The following EPB41L3 variants were observed in gnomAD, a reference collection of about 807,000 sequenced individuals.
The protein encoded by EPB41L3 is band 4.1-like protein 3.
EPB41L3 carries 57 observed loss-of-function variants against 127.1 expected under a neutral mutation model. The observed-to-expected ratio is 0.45, with a 90% CI of 0.36 to 0.56. The LOEUF (loss-of-function observed/expected upper bound fraction) is 0.56, where lower values mean the gene tolerates loss of function less well. EPB41L3 is among the 20% of genes least tolerant of loss of function. EPB41L3 has a pLI of 0.00. For synonymous variants in EPB41L3, 572 were observed against 549.5 expected, an observed-to-expected ratio of 1.04 and a Z score of -0.57; for missense variants, 1,273 against 1,372.2, an observed-to-expected ratio of 0.93 and a Z score of 1.14.
intron 3 of EPB41L3, among the ~76,000 whole-genome samples, chr18:5,589,078 G>A (rs930491202): frequency 2.6e-5 from 4 of 152,140 alleles, no homozygotes; most frequent in African/African-American, 9.7e-5. Context: ...AATTAAATGA[G>A]TAGGCACATG....
chr18:5,525,787 A>G (rs2093200161), intron 1 of EPB41L3, among the ~76,000 whole-genome samples: 1 of 152,228 alleles, frequency 6.6e-6, no homozygotes, highest in South Asian at 2.1e-4. Flanking sequence ...TTGTTAGTGA[A>G]TATCTAAATT....
At chr18:5,462,710 G>A (rs1599274020) in intron 3 of EPB41L3, among the ~76,000 whole-genome samples, 2 of 152,104 alleles carry the variant, frequency 1.3e-5, no homozygotes, top group Admixed American at 6.5e-5. Flanking sequence ...TGTTATTAAG[G>A]CTCTTTTCTT....
intron 1 of EPB41L3, among the ~76,000 whole-genome samples, chr18:5,620,454 T>C (rs1437991858): frequency 6.6e-6 from 1 of 152,316 alleles, no homozygotes; most frequent in East Asian, 1.9e-4. Flanking sequence ...AGTGAAAATA[T>C]TTGGCAACTG....
chr18:5,451,478 T>G (rs2082269965), intron 3 of EPB41L3, among the ~76,000 whole-genome samples: 1 of 152,202 alleles, frequency 6.6e-6, no homozygotes, highest in Non-Finnish European at 1.5e-5. Flanking sequence ...CTCTCTCCTT[T>G]GGACTTTGTG....
intron 6 of EPB41L3, 68 bp from the exon 7 acceptor site, chr18:5,434,189 T>C (rs1404174504): frequency 6.7e-5 from 90 of 1,336,926 alleles, no homozygotes; most frequent in Non-Finnish European, 8.8e-5. Flanking sequence ...GGTCGCTTGG[T>C]AAAAATCGTG....
chr18:5,419,818 T>G lies in EPB41L3; in HGVS notation c.1399A>C (p.Thr467Pro), dbSNP rs762690750. The G allele has an allele frequency of 6.4e-5, 104 of 1,614,084 alleles. No individual in the cohort carries two copies. The highest frequency in any genetic ancestry group is 8.1e-5 in the Non-Finnish European group (95 of 1,180,048). The change falls in exon 12 of 23, where the codon ACT (threonine) becomes CCT (proline). Residue 467 changes from threonine (T) to proline (P), a missense_variant. By Grantham distance (38) the Thr-to-Pro change is conservative (BLOSUM62 -1). Around this residue, in one of 3 missense-constraint regions of EPB41L3, gnomAD observed 765 missense variants for 782.9 expected, o/e 0.98. Transcript: ENST00000341928. The stretch of plus-strand genomic sequence containing the variant: ...TCAGCCTTCTTCTCCGGAGTCACAG[T>G]GGTGATCAAGTTGGTCTGAGAGATG... ...KGISQTNLIT[T>P]VTPEKKAEEE...
intron 1 of EPB41L3, among the ~76,000 whole-genome samples, chr18:5,510,436 T>TA (rs1040670223): frequency 2.0e-4 from 30 of 152,242 alleles, no homozygotes; most frequent in African/African-American, 4.3e-4. Flanking sequence ...TCAGCTGAGA[T>TA]AAAAAAACAA....
chr18:5,415,968 G>C lies in EPB41L3; in HGVS notation c.1917C>G (p.Ile639Met), dbSNP rs1207148217. 5.0e-6 allele frequency: 8 copies of C among 1,614,184 alleles called. No individual in the cohort carries two copies. The highest frequency in any genetic ancestry group is 6.8e-6 in the Non-Finnish European group (8 of 1,180,042). The change falls in exon 13 of 23, where the codon ATC becomes ATG. Residue 639 changes from isoleucine to methionine, a missense_variant. Ile to Met is a conservative substitution (Grantham distance 10). Around this residue, in one of 3 missense-constraint regions of EPB41L3, gnomAD observed 765 missense variants for 782.9 expected, o/e 0.98. Transcript: ENST00000341928. ...AGGAGGCAGACAGCAGAAAGAAAAAGATGAAGAGGAAACAGGGCACAAGGG... is the reference window on the plus strand; with the variant it reads ...AGGAGGCAGACAGCAGAAAGAAAAACATGAAGAGGAAACAGGGCACAAGGG... Reference protein sequence around the residue: ...SPSLVPCFLFIFFFLLSASFS... With the variant: ...SPSLVPCFLFMFFFLLSASFS...
intron 3 of EPB41L3, among the ~76,000 whole-genome samples, chr18:5,557,027 T>G (rs940148281): frequency 2.4e-4 from 36 of 152,242 alleles, no homozygotes; most frequent in African/African-American, 8.2e-4. Flanking sequence ...GACACATAGC[T>G]GCAAAAGCTG....
At chr18:5,538,995 A>AT (rs757227800) in intron 1 of EPB41L3, among the ~76,000 whole-genome samples, 6,623 of 115,018 alleles carry the variant, frequency 0.058, 178 homozygotes, top group Admixed American at 0.08. Context: ...TTTCTCCAAG[A>AT]TTTTTTTTTT....
intron 2 of EPB41L3, 200 bp downstream of exon 2, chr18:5,488,801 A>C: frequency 1.9e-6 from 1 of 522,538 alleles, no homozygotes; most frequent in East Asian, 3.6e-5. Context: ...TTTAATTAAA[A>C]GAAGGAGTTA....
chr18:5,484,085 TCA>T (rs2089155622), intron 2 of EPB41L3, among the ~76,000 whole-genome samples: 1 of 3,866 alleles, frequency 2.6e-4, no homozygotes, highest in Non-Finnish European at 5.2e-4. Flanking sequence ...CCAAACAAAC[TCA>T]AAAAAAAAAA....
chr18:5,429,928 C>T (rs961046202), intron 8 of EPB41L3, among the ~76,000 whole-genome samples: 4 of 152,316 alleles, frequency 2.6e-5, no homozygotes, highest in African/African-American at 9.6e-5. Context: ...GACCACCTTA[C>T]GCCATCGGCA....
chr18:5,577,889 T>C (rs774736537), intron 3 of EPB41L3, among the ~76,000 whole-genome samples: 1 of 152,236 alleles, frequency 6.6e-6, no homozygotes, highest in South Asian at 2.1e-4. Context: ...ATTTTTGCTT[T>C]TAATTTTGCC....
intron 3 of EPB41L3, among the ~76,000 whole-genome samples, chr18:5,610,674 A>C (rs1329207225): frequency 1.3e-5 from 2 of 149,340 alleles, no homozygotes; most frequent in Non-Finnish European, 3.0e-5. Context: ...CAAGCATTTG[A>C]CTAAAACAAT....
chr18:5,613,799 G>A (rs2094758732), intron 2 of EPB41L3, among the ~76,000 whole-genome samples: 1 of 152,066 alleles, frequency 6.6e-6, no homozygotes, highest in Non-Finnish European at 1.5e-5. Context: ...GCCTTTACCC[G>A]AAGCTATTTT....
intron 1 of EPB41L3, among the ~76,000 whole-genome samples, chr18:5,504,789 C>T (rs532579308): frequency 5.9e-5 from 9 of 152,180 alleles, no homozygotes; most frequent in African/African-American, 2.2e-4. Context: ...CACAGGTGTC[C>T]TCCGCTACTC....
At chr18:5,421,870 A>G (rs1259634671) in intron 11 of EPB41L3, among the ~76,000 whole-genome samples, 5 of 152,154 alleles carry the variant, frequency 3.3e-5, no homozygotes, top group African/African-American at 1.2e-4. Context: ...TATTGGGTAC[A>G]ATGTGCACTA....
At chr18:5,559,521 A>G (rs2149194527) in intron 3 of EPB41L3, among the ~76,000 whole-genome samples, 1 of 152,352 alleles carries the variant, frequency 6.6e-6, no homozygotes, top group Non-Finnish European at 1.5e-5. Flanking sequence ...TAGTTTGTCC[A>G]TACTTTAAGC....
Sources: gnomAD v4.1 joint callset for allele counts (sites outside exome capture counted in the v4.1 genomes callset) on GRCh38, gnomAD v4.1.1 for gene constraint, gnomAD v4.1.1 regional missense constraint, MANE v1.5 for transcripts, NCBI Gene and HGNC (gene_info 2026-07-23, HGNC 2026-07-21) for gene names.